CIBAR1: variants seen among roughly 807,000 people sequenced by gnomAD.
CIBAR1 encodes the protein CBY1-interacting BAR domain-containing protein 1.
In CIBAR1, 25 loss-of-function variants were observed where a neutral mutation model predicts 44.0. The observed-to-expected ratio is 0.57, with a 90% CI of 0.41 to 0.79. CIBAR1 has a LOEUF of 0.79. CIBAR1 is among the 30% of genes least tolerant of loss of function. The pLI, the probability that CIBAR1 is intolerant of heterozygous loss-of-function variation, is 0.00. For synonymous variants in CIBAR1, 115 were observed against 119.0 expected, an observed-to-expected ratio of 0.97 and a Z score of 0.22; for missense variants, 278 against 344.8, an observed-to-expected ratio of 0.81 and a Z score of 1.53.
intron 6 of CIBAR1, 129 bp from the exon 7 acceptor site, chr8:93,718,546 A>G (rs1811119579): frequency 2.1e-6 from 1 of 486,106 alleles, no homozygotes; most frequent in African/African-American, 2.0e-5. Flanking sequence ...TTTGTACTTT[A>G]TTTACCCTAT....
rs1340660106 is a variant in CIBAR1, at chr8:93,730,849, A to G, written c.*2552A>G. The G allele has an allele frequency of 6.6e-6, 1 of 152,222 alleles. No homozygotes were observed. Among genetic ancestry groups the G allele is most frequent in the Non-Finnish European group, 1.5e-5 (1 of 68,038 alleles). 9.4% of individuals were successfully genotyped at this position (152,222 alleles called of 1,614,324 possible). A position where few individuals can be genotyped will look rare whatever the true frequency, so the allele number is the denominator to read the frequency against. On this transcript the variant is annotated 3_prime_UTR_variant, in exon 9 of 9. Coordinates refer to ENST00000518322, the MANE Select transcript of CIBAR1 (RefSeq NM_145269.5). ...TTATAGGGTAAAAGGAAATATTCAT[A>G]TAAATTAATTTAAAAATCAAAATAC...
At chr8:93,707,942 A>G (rs1810665920) in intron 4 of CIBAR1, 69 bp from the exon 5 acceptor site, 1 of 982,694 alleles carries the variant, frequency 1.0e-6, no homozygotes, top group Non-Finnish European at 1.5e-6. Flanking sequence ...TTCTATGAGT[A>G]TATAAATTTA....
chr8:93,713,182 A>G (rs1053367956), intron 6 of CIBAR1, among the ~76,000 whole-genome samples: 9 of 151,254 alleles, frequency 6.0e-5, no homozygotes, highest in Non-Finnish European at 7.4e-5. Flanking sequence ...ACAGGCATGC[A>G]CCACCACACC....
At position 93,729,054 on chromosome 8, in the gene CIBAR1, TAC is replaced by T. The variant is rs1811682145; in HGVS notation, c.*759_*760del. On this transcript the variant is annotated 3_prime_UTR_variant, in exon 9 of 9. Coordinates refer to ENST00000518322, the MANE Select transcript of CIBAR1 (RefSeq NM_145269.5). The stretch of plus-strand genomic sequence containing the variant: ...CTACCATATAGTTAATAAAAGGGTA[TAC>T]AGTCACTTTTATTTCTGAAAATATA... The T allele has an allele frequency of 6.6e-6, 1 of 152,120 alleles. No homozygotes were observed. The highest frequency in any genetic ancestry group is 6.6e-5 in the Admixed American group (1 of 15,266). 9.4% of individuals were successfully genotyped at this position (152,120 alleles called of 1,614,324 possible).
Position 93,702,004 on chromosome 8 carries a change from A to T in CIBAR1, c.261+546A>T, listed in dbSNP as rs577150828. Reference sequence around the variant, plus strand: ...GTGTGGACTTTTTGCTCTGGGTAGCAGGAGAAGTGTCCTTGTGATTGTTTT... The same window carrying T: ...GTGTGGACTTTTTGCTCTGGGTAGCTGGAGAAGTGTCCTTGTGATTGTTTT... On this transcript the variant is annotated intron_variant, in intron 2 of 8. Coordinates refer to ENST00000518322, the MANE Select transcript of CIBAR1 (RefSeq NM_145269.5). 25 of 229,772 alleles carry T rather than the reference A, an allele frequency of 1.1e-4. 1 individual carries two copies. The South Asian group carries it at 1.3e-3, about 12-fold the overall frequency. 14.2% of individuals were successfully genotyped at this position (229,772 alleles called of 1,614,324 possible). A position where few individuals can be genotyped will look rare whatever the true frequency, so the allele number is the denominator to read the frequency against.
At chr8:93,703,841 G>A (rs1385985271) in intron 3 of CIBAR1, among the ~76,000 whole-genome samples, 153 bp downstream of exon 3, 3 of 151,990 alleles carry the variant, frequency 2.0e-5, no homozygotes, top group Non-Finnish European at 2.9e-5. Flanking sequence ...GAGGCGGGCG[G>A]ATCACGAGGT....
At position 93,731,062 on chromosome 8, in the gene CIBAR1, A is replaced by C. The variant is rs1311114723; in HGVS notation, c.*2765A>C. On this transcript the variant is annotated 3_prime_UTR_variant, in exon 9 of 9. Coordinates refer to ENST00000518322, the MANE Select transcript of CIBAR1 (RefSeq NM_145269.5). ...TGTAGTCCCAGCTCTCAGGAGGCTGAGGCAGGAAGACAGCTTGAGCCCAGG... is the reference window on the plus strand; with the variant it reads ...TGTAGTCCCAGCTCTCAGGAGGCTGCGGCAGGAAGACAGCTTGAGCCCAGG... 1 of 152,266 alleles carries C rather than the reference A, an allele frequency of 6.6e-6. No individual in the cohort carries two copies. Among genetic ancestry groups the C allele is most frequent in the Non-Finnish European group, 1.5e-5 (1 of 68,106 alleles). The allele number at this position is 152,266 out of a possible 1,614,324, so 9.4% of individuals were successfully genotyped here. A position where few individuals can be genotyped will look rare whatever the true frequency, so the allele number is the denominator to read the frequency against.
chr8:93,724,755 G>A (rs778607621), intron 7 of CIBAR1, among the ~76,000 whole-genome samples: 1 of 152,052 alleles, frequency 6.6e-6, no homozygotes, highest in African/African-American at 2.4e-5. Flanking sequence ...TCAGCTCCTC[G>A]GCCACGTGAA....
intron 5 of CIBAR1, among the ~76,000 whole-genome samples, chr8:93,708,424 T>A (rs1810689380): frequency 6.6e-6 from 1 of 152,204 alleles, no homozygotes; most frequent in African/African-American, 2.4e-5. Context: ...TGTTGAATTC[T>A]TGAAATACAA....
chr8:93,708,557 G>A (rs1466861600), intron 5 of CIBAR1, among the ~76,000 whole-genome samples: 2 of 152,160 alleles, frequency 1.3e-5, no homozygotes, highest in Non-Finnish European at 2.9e-5. Context: ...GATAATATGA[G>A]TACATGTCCA....
intron 4 of CIBAR1, among the ~76,000 whole-genome samples, chr8:93,707,612 ATAG>A (rs1810651525): frequency 6.6e-6 from 1 of 151,422 alleles, no homozygotes; most frequent in South Asian, 2.1e-4. Flanking sequence ...AGATTTTTTC[ATAG>A]TAGTAAGTCT....
intron 6 of CIBAR1, among the ~76,000 whole-genome samples, chr8:93,710,579 A>G (rs1477581958): frequency 6.6e-6 from 1 of 152,142 alleles, no homozygotes; most frequent in Non-Finnish European, 1.5e-5. Flanking sequence ...CACACCTGTA[A>G]TCCCAGCACT....
intron 2 of CIBAR1, 66 bp from the exon 3 acceptor site, chr8:93,703,554 T>G: frequency 3.2e-6 from 3 of 924,424 alleles, no homozygotes; most frequent in Non-Finnish European, 4.9e-6. Flanking sequence ...TTTCTAGTGA[T>G]TAGCCTTTTA....
intron 5 of CIBAR1, among the ~76,000 whole-genome samples, chr8:93,709,512 CAGAA>C (rs921478308): frequency 4.6e-5 from 7 of 151,898 alleles, no homozygotes; most frequent in Admixed American, 6.6e-5. Context: ...ATTTTATAGA[CAGAA>C]AGGGAAGGAT....
chr8:93,729,515 C>CTTGT lies in CIBAR1; in HGVS notation c.*1223_*1226dup, dbSNP rs563274407. The CTTGT allele has an allele frequency of 1.3e-5, 2 of 152,092 alleles. No homozygotes were observed. Among genetic ancestry groups the CTTGT allele is most frequent in the African/African-American group, 4.8e-5 (2 of 41,404 alleles). 9.4% of individuals were successfully genotyped at this position (152,092 alleles called of 1,614,324 possible). ...GCAACTTCTCTTGAGCATTATTTGC[C>CTTGT]TTGTTTGTAAAGTTAAAACTGCGTA... On this transcript the variant is annotated 3_prime_UTR_variant, in exon 9 of 9. Transcript: ENST00000518322.
chr8:93,704,188 A>G (rs530943281), intron 3 of CIBAR1, among the ~76,000 whole-genome samples: 2 of 152,342 alleles, frequency 1.3e-5, no homozygotes, highest in African/African-American at 2.4e-5. Context: ...CTGTAGCAAT[A>G]TAGACATTAT....
chr8:93,726,251 TC>T, intron 7 of CIBAR1, 142 bp from the exon 8 acceptor site: 2 of 689,296 alleles, frequency 2.9e-6, no homozygotes, highest in Non-Finnish European at 4.6e-6. Flanking sequence ...TGTTGTCTTT[TC>T]TTTTACATTT....
intron 1 of CIBAR1, 98 bp downstream of exon 1, chr8:93,700,771 C>G (rs1338406439): frequency 6.5e-6 from 9 of 1,380,886 alleles, no homozygotes; most frequent in Non-Finnish European, 8.5e-6. Flanking sequence ...CGCCGAATTC[C>G]GACCCTGAGT....
At chr8:93,706,802 A>C (rs1810601293) in intron 4 of CIBAR1, among the ~76,000 whole-genome samples, 1 of 152,216 alleles carries the variant, frequency 6.6e-6, no homozygotes, top group Non-Finnish European at 1.5e-5. Context: ...CCTGAGACCA[A>C]AACATGAAGG....
Sources: allele counts gnomAD v4.1 joint callset (sites outside exome capture counted in the v4.1 genomes callset), GRCh38; gene constraint gnomAD v4.1.1; transcripts MANE v1.5; gene names NCBI Gene and HGNC (gene_info 2026-07-23, HGNC 2026-07-21).